The following AGMO variants were observed in gnomAD, a reference collection of about 807,000 sequenced individuals.
The protein encoded by AGMO is glyceryl-ether monooxygenase.
A neutral mutation model predicts 60.2 loss-of-function variants in AGMO; 75 were observed. The ratio of observed to expected loss-of-function variants is 1.25; its 90% CI spans 1.03 to 1.51. The LOEUF is 1.51. AGMO is among the 40% of genes most tolerant of loss of function. The probability of loss-of-function intolerance (pLI) is 0.00; values close to 1 mark genes in which losing one functional copy is unlikely to be tolerated. For missense variants in AGMO, 763 were observed against 525.5 expected, an observed-to-expected ratio of 1.45 and a Z score of -4.42; for synonymous variants, 261 against 177.1, an observed-to-expected ratio of 1.47 and a Z score of -3.76.
intron 12 of AGMO, among the ~76,000 whole-genome samples, chr7:15,248,214 A>ATATATATATAATG (rs1782820183): frequency 2.8e-5 from 2 of 71,158 alleles, no homozygotes; most frequent in Non-Finnish European, 5.9e-5. Flanking sequence ...ATATATATAT[A>ATATATATATAATG]TATATATATA....
At chr7:15,531,092 ATTCTATATATATTCTATATATATT>A (rs1562556651) in intron 3 of AGMO, among the ~76,000 whole-genome samples, 5 of 14,908 alleles carry the variant, frequency 3.4e-4, no homozygotes, top group African/African-American at 8.5e-4. Context: ...CTATATATAT[ATTCTATATATATTCTATATATATT>A]CTATATATAT....
At chr7:15,556,413 A>C (rs1785141593) in intron 2 of AGMO, among the ~76,000 whole-genome samples, 1 of 151,822 alleles carries the variant, frequency 6.6e-6, no homozygotes, top group African/African-American at 2.4e-5. Flanking sequence ...AAATTTACCT[A>C]CTTAAATTAT....
At chr7:15,499,693 G>A (rs1373406017) in intron 3 of AGMO, among the ~76,000 whole-genome samples, 3 of 151,568 alleles carry the variant, frequency 2.0e-5, no homozygotes, top group African/African-American at 4.8e-5. Context: ...ATATATGCAC[G>A]AGGCTATTTA....
intron 3 of AGMO, among the ~76,000 whole-genome samples, chr7:15,493,531 A>G (rs10950563): frequency 0.77 from 115,690 of 149,828 alleles, 44,978 homozygotes; most frequent in East Asian, 0.97. Context: ...CCGCCACCAC[A>G]CCCGGCTAAT....
At chr7:15,363,701 A>G (rs1782852606) in intron 12 of AGMO, among the ~76,000 whole-genome samples, 1 of 152,158 alleles carries the variant, frequency 6.6e-6, no homozygotes, top group African/African-American at 2.4e-5. Context: ...CCATCTCATC[A>G]TCAAAGAATA....
intron 12 of AGMO, among the ~76,000 whole-genome samples, chr7:15,237,375 T>C (rs183284462): frequency 0.015 from 2,275 of 152,140 alleles, 65 homozygotes; most frequent in African/African-American, 0.053. Context: ...TTTCTTTATA[T>C]TTCCTGTGTT....
chr7:15,407,943 TC>T (rs1784749795), intron 5 of AGMO, among the ~76,000 whole-genome samples: 1 of 151,896 alleles, frequency 6.6e-6, no homozygotes. Context: ...GAGCTCGTGC[TC>T]CTAACTCTTA....
At chr7:15,553,663 A>G (rs1785043277) in intron 2 of AGMO, among the ~76,000 whole-genome samples, 3 of 152,160 alleles carry the variant, frequency 2.0e-5, no homozygotes, top group African/African-American at 7.2e-5. Flanking sequence ...AGATACCAAG[A>G]TCTCAATAAC....
At chr7:15,369,792 AAT>A (rs781319012) in intron 10 of AGMO, among the ~76,000 whole-genome samples, 1 of 152,148 alleles carries the variant, frequency 6.6e-6, no homozygotes, top group African/African-American at 2.4e-5. Flanking sequence ...TATAGAACTC[AAT>A]ATGTTTATTG....
intron 12 of AGMO, among the ~76,000 whole-genome samples, chr7:15,248,313 G>A (rs188365263): frequency 6.8e-6 from 1 of 146,052 alleles, no homozygotes; most frequent in Non-Finnish European, 1.5e-5. Context: ...TTAATATATA[G>A]CATACAAGAG....
At chr7:15,208,221 C>T (rs1781489997) in intron 12 of AGMO, among the ~76,000 whole-genome samples, 1 of 152,024 alleles carries the variant, frequency 6.6e-6, no homozygotes, top group Non-Finnish European at 1.5e-5. Flanking sequence ...CACTACAGGG[C>T]AGAAACAGTA....
chr7:15,471,742 T>A (rs1486464441), intron 3 of AGMO, among the ~76,000 whole-genome samples: 2 of 151,912 alleles, frequency 1.3e-5, no homozygotes, highest in East Asian at 1.9e-4. Context: ...CCAGATAATG[T>A]TTCACCTGTG....
rs1162230600 is a variant in AGMO at position 15,431,159 on chromosome 7, T to A, written c.410-51A>T. Reference sequence around the variant, plus strand: ...GCCATGAGAATAAGAACAAAGCAACTTCCATTTTCAGTTATGCATGCTGCT... The same window carrying A: ...GCCATGAGAATAAGAACAAAGCAACATCCATTTTCAGTTATGCATGCTGCT... On this transcript the variant is annotated intron_variant, in intron 3 of 12. Coordinates refer to ENST00000342526, the MANE Select transcript of AGMO (RefSeq NM_001004320.2). 3 of 1,361,750 alleles carry A rather than the reference T, an allele frequency of 2.2e-6. No homozygotes were observed. The African/African-American group carries it at 4.3e-5, about 20-fold the overall frequency. 84.4% of individuals were successfully genotyped at this position (1,361,750 alleles called of 1,614,324 possible).
chr7:15,376,923 T>C (rs4538782), intron 10 of AGMO, among the ~76,000 whole-genome samples: 2,558 of 151,950 alleles, frequency 0.017, 74 homozygotes, highest in African/African-American at 0.057. Context: ...ACCTTTGTCG[T>C]GGCCATCAAA....
At chr7:15,434,865 C>T (rs1781355138) in intron 3 of AGMO, among the ~76,000 whole-genome samples, 1 of 151,164 alleles carries the variant, frequency 6.6e-6, no homozygotes, top group Admixed American at 6.6e-5. Context: ...CACTCCCACC[C>T]CCACCCCATT....
At chr7:15,501,026 A>G (rs1414044850) in intron 3 of AGMO, among the ~76,000 whole-genome samples, 2 of 151,912 alleles carry the variant, frequency 1.3e-5, no homozygotes, top group Non-Finnish European at 2.9e-5. Flanking sequence ...TTCTATTTTT[A>G]TCACACTATG....
At chr7:15,184,336 AGGAAGGAAAGAAGGGAGGG>A in the AGMO span, among the ~76,000 whole-genome samples, 18 of 98,124 alleles carry the variant, frequency 1.8e-4, no homozygotes, top group Non-Finnish European at 2.2e-4. Flanking sequence ...GGAGGAAGGA[AGGAAGGAAAGAAGGGAGGG>A]AGGGAAGGAA....
intron 12 of AGMO, among the ~76,000 whole-genome samples, chr7:15,268,936 T>C (rs574450835): frequency 4.6e-5 from 7 of 152,216 alleles, no homozygotes; most frequent in African/African-American, 1.7e-4. Context: ...GGGTGTTGAC[T>C]TGAGTTTTGA....
intron 4 of AGMO, among the ~76,000 whole-genome samples, chr7:15,427,642 A>G (rs1190267555): frequency 6.6e-6 from 1 of 152,188 alleles, no homozygotes; most frequent in Non-Finnish European, 1.5e-5. Flanking sequence ...TGATACTGTA[A>G]TATTTTATAT....
Sources: allele counts gnomAD v4.1 joint callset (sites outside exome capture counted in the v4.1 genomes callset), GRCh38; gene constraint gnomAD v4.1.1; transcripts MANE v1.5; gene names NCBI Gene and HGNC (gene_info 2026-07-23, HGNC 2026-07-21).